Variants in VPS13B observed in about 807,000 individuals in gnomAD.
The protein encoded by VPS13B is intermembrane lipid transfer protein VPS13B.
In VPS13B, 285 loss-of-function variants were observed where a neutral mutation model predicts 426.4. The observed-to-expected ratio is 0.67, with a 90% CI of 0.61 to 0.74. VPS13B has a LOEUF of 0.74. VPS13B is among the 30% of genes least tolerant of loss of function. The pLI is 0.00. For missense variants in VPS13B, 4,537 were observed against 4,782.6 expected, an observed-to-expected ratio of 0.95 and a Z score of 1.51; for synonymous variants, 1,676 against 1,676.4, an observed-to-expected ratio of 1.00 and a Z score of 0.01.
intron 42 of VPS13B, among the ~76,000 whole-genome samples, chr8:99,780,963 A>G (rs1332369453): frequency 6.6e-6 from 1 of 152,190 alleles, no homozygotes; most frequent in Non-Finnish European, 1.5e-5. Context: ...TACTGCTCAC[A>G]TATAGTGTAA....
At chr8:99,172,744 A>G (rs1812414462) in intron 16 of VPS13B, among the ~76,000 whole-genome samples, 1 of 152,174 alleles carries the variant, frequency 6.6e-6, no homozygotes, top group Non-Finnish European at 1.5e-5. Context: ...GTATGTAGAT[A>G]TTATTGTAAT....
chr8:99,340,211 G>A (rs1372882077), intron 19 of VPS13B: 1 of 177,374 alleles, frequency 5.6e-6, no homozygotes, highest in Non-Finnish European at 1.2e-5. Context: ...TTGTGCTCTG[G>A]GTAAATAAGA....
chr8:99,317,767 A>C (rs190732262), intron 19 of VPS13B, among the ~76,000 whole-genome samples: 125 of 152,262 alleles, frequency 8.2e-4, no homozygotes, highest in Non-Finnish European at 1.3e-3. Context: ...GAACAATGGG[A>C]CTTCTCTTTG....
At chr8:99,571,087 G>A (rs558681931) in intron 31 of VPS13B, among the ~76,000 whole-genome samples, 69 of 152,214 alleles carry the variant, frequency 4.5e-4, no homozygotes, top group African/African-American at 1.5e-3. Context: ...ATCTAGGTAG[G>A]CAGCTCATTT....
chr8:99,462,851 A>G (rs978321498), intron 23 of VPS13B, among the ~76,000 whole-genome samples: 1 of 152,176 alleles, frequency 6.6e-6, no homozygotes, highest in Non-Finnish European at 1.5e-5. Context: ...GAACATGGCA[A>G]GAAGGTTATC....
At chr8:99,236,851 T>TAG (rs1816679783) in intron 17 of VPS13B, among the ~76,000 whole-genome samples, 12 of 152,352 alleles carry the variant, frequency 7.9e-5, no homozygotes, top group Admixed American at 7.2e-4. Flanking sequence ...GTGGTAGTTA[T>TAG]CTTAGATATA....
intron 35 of VPS13B, among the ~76,000 whole-genome samples, 158 bp from the exon 36 acceptor site, chr8:99,699,367 C>T (rs781418992): frequency 2.0e-5 from 3 of 151,768 alleles, no homozygotes; most frequent in South Asian, 2.1e-4. Flanking sequence ...TGGAAAGAAT[C>T]GTTAAGTGAT....
At position 99,184,481 on chromosome 8, in the gene VPS13B, AT is replaced by A. The variant is rs140763774; in HGVS notation, c.2334-8391del. 9.3e-3 allele frequency among the ~76,000 whole-genome samples: 1,420 copies of A among 152,116 alleles called. 31 individuals are homozygous for A. The highest frequency in any genetic ancestry group is 0.033 in the African/African-American group (1,359 of 41,502). ...TTTTGTTTGCTTAGTTCATTTTAAG[AT>A]TTTGGATTTTATGTATGGTAATAAG... On this transcript the variant is annotated intron_variant, in intron 16 of 61. Transcript: ENST00000357162.
chr8:99,812,547 A>G (rs1246466254), intron 44 of VPS13B, among the ~76,000 whole-genome samples: 1 of 152,194 alleles, frequency 6.6e-6, no homozygotes. Context: ...CTTAACATTG[A>G]TGCTGGGTTA....
At chr8:99,218,344 T>C (rs1815500301) in intron 17 of VPS13B, among the ~76,000 whole-genome samples, 1 of 152,252 alleles carries the variant, frequency 6.6e-6, no homozygotes, top group Non-Finnish European at 1.5e-5. Context: ...CTGCATAATC[T>C]GCACTGTTTT....
At chr8:99,058,650 G>C (rs997072429) in intron 3 of VPS13B, among the ~76,000 whole-genome samples, 10 of 152,144 alleles carry the variant, frequency 6.6e-5, no homozygotes, top group South Asian at 4.1e-4. Flanking sequence ...TTTTTTCACA[G>C]TGGAGGGGAA....
intron 17 of VPS13B, chr8:99,233,321 G>T: frequency 9.2e-7 from 1 of 1,092,468 alleles, no homozygotes; most frequent in Non-Finnish European, 1.4e-6. Context: ...TGGGCTTCCA[G>T]CTTCACTTCT....
At chr8:99,533,182 G>A (rs1172988218) in intron 30 of VPS13B, among the ~76,000 whole-genome samples, 6 of 151,936 alleles carry the variant, frequency 3.9e-5, no homozygotes, top group African/African-American at 7.3e-5. Context: ...CAGGTGATCC[G>A]CCCACCTTGG....
At chr8:99,101,074 G>C (rs922152595) in intron 4 of VPS13B, among the ~76,000 whole-genome samples, 1 of 152,068 alleles carries the variant, frequency 6.6e-6, no homozygotes, top group Admixed American at 6.6e-5. Flanking sequence ...TTCATGACAG[G>C]TTTTTGAGAA....
intron 5 of VPS13B, among the ~76,000 whole-genome samples, chr8:99,107,129 T>G (rs1371297168): frequency 6.6e-6 from 1 of 152,138 alleles, no homozygotes; most frequent in Non-Finnish European, 1.5e-5. Context: ...GTAATGCCAT[T>G]TTTTTACTAA....
At chr8:99,433,071 A>T (rs1369858706) in intron 22 of VPS13B, among the ~76,000 whole-genome samples, 1 of 152,242 alleles carries the variant, frequency 6.6e-6, no homozygotes, top group African/African-American at 2.4e-5. Flanking sequence ...TAACCCTAGA[A>T]GAATCAGGAA....
chr8:99,650,391 A>G (rs924357768), intron 34 of VPS13B, among the ~76,000 whole-genome samples: 4 of 152,120 alleles, frequency 2.6e-5, no homozygotes, highest in African/African-American at 9.7e-5. Flanking sequence ...TGTGAGATTC[A>G]TTGCCCTTCT....
At chr8:99,653,006 A>G (rs1363194370) in intron 34 of VPS13B, among the ~76,000 whole-genome samples, 1 of 152,176 alleles carries the variant, frequency 6.6e-6, no homozygotes, top group African/African-American at 2.4e-5. Context: ...GAGGAAGGGT[A>G]TTAGAACAGA....
chr8:99,296,433 A>G (rs954013333), intron 19 of VPS13B, among the ~76,000 whole-genome samples: 1 of 152,212 alleles, frequency 6.6e-6, no homozygotes, highest in Non-Finnish European at 1.5e-5. Context: ...TCTTATTTCT[A>G]ATATTACTAC....
Sources: allele counts gnomAD v4.1 joint callset (sites outside exome capture counted in the v4.1 genomes callset), GRCh38; gene constraint gnomAD v4.1.1; transcripts MANE v1.5; gene names NCBI Gene and HGNC (gene_info 2026-07-23, HGNC 2026-07-21).